Variants in PCDHGA5 observed in about 807,000 individuals in gnomAD.
PCDHGA5 encodes protocadherin gamma subfamily A, 5.
Under a neutral mutation model 56.7 loss-of-function variants are expected in PCDHGA5, and 36 were observed. That is an observed-to-expected ratio of 0.64 (90% confidence interval 0.49 to 0.84). PCDHGA5 has a LOEUF of 0.84. Ranked by LOEUF, PCDHGA5 falls within the 40% of genes least tolerant of loss-of-function variation. PCDHGA5 has a pLI of 0.00. For synonymous variants in PCDHGA5, 563 were observed against 520.2 expected, an observed-to-expected ratio of 1.08 and a Z score of -1.12; for missense variants, 1,305 against 1,201.5, an observed-to-expected ratio of 1.09 and a Z score of -1.27.
intron 1 of PCDHGA5, among the ~76,000 whole-genome samples, chr5:141,369,647 A>G (rs987289952): frequency 1.3e-5 from 2 of 152,064 alleles, no homozygotes; most frequent in Admixed American, 6.6e-5. Context: ...TTTTGGGGGG[A>G]GATAATAAAG....
At chr5:141,392,625 C>T (rs939952294) in intron 1 of PCDHGA5, 4 of 567,662 alleles carry the variant, frequency 7.0e-6, no homozygotes, top group Non-Finnish European at 8.9e-6. Context: ...CGAAAACACT[C>T]AGATCTCACA....
chr5:141,372,088 C>T (rs1768398605), intron 1 of PCDHGA5: 4 of 1,613,762 alleles, frequency 2.5e-6, no homozygotes, highest in Middle Eastern at 1.7e-4. Context: ...GTGCTGTACC[C>T]AGCTCTGGGG....
chr5:141,384,999 C>A, intron 1 of PCDHGA5: 1 of 1,614,144 alleles, frequency 6.2e-7, no homozygotes, highest in Non-Finnish European at 8.5e-7. Flanking sequence ...TGGCCACAGT[C>A]TCCTGCGTCT....
intron 1 of PCDHGA5, chr5:141,384,782 C>G (rs746906389): frequency 6.2e-7 from 1 of 1,613,642 alleles, no homozygotes; most frequent in Non-Finnish European, 8.5e-7. Flanking sequence ...GAGGTGCGCA[C>G]GGCTCGGGCC....
chr5:141,494,784 C>T, intron 1 of PCDHGA5, 23 bp from the exon 2 acceptor site: 1 of 1,614,110 alleles, frequency 6.2e-7, no homozygotes, highest in Non-Finnish European at 8.5e-7. Flanking sequence ...TACTCAGCCC[C>T]TTTCCCTCTG....
chr5:141,423,539 T>C (rs747825176), intron 1 of PCDHGA5: 10 of 1,613,140 alleles, frequency 6.2e-6, no homozygotes, highest in Non-Finnish European at 8.5e-6. Flanking sequence ...CACCTGATTT[T>C]CCCCCAGCCC....
intron 1 of PCDHGA5, chr5:141,420,202 C>G: frequency 1.2e-6 from 2 of 1,613,256 alleles, no homozygotes; most frequent in Non-Finnish European, 1.7e-6. Context: ...AAGATAACCT[C>G]AACAAAGATA....
chr5:141,414,909 C>G (rs1230113440), intron 1 of PCDHGA5: 4 of 1,614,220 alleles, frequency 2.5e-6, no homozygotes, highest in Non-Finnish European at 3.4e-6. Context: ...GTTCCACAGG[C>G]GTGGAGCTGG....
chr5:141,423,758 G>C lies in PCDHGA5; in HGVS notation c.2421+57007G>C, dbSNP rs1192987646. 54 of 366,760 alleles carry C rather than the reference G, an allele frequency of 1.5e-4. 3 individuals carry two copies. The highest frequency in any genetic ancestry group is 1.4e-4 in the Non-Finnish European group (36 of 259,732). 22.7% of individuals were successfully genotyped at this position (366,760 alleles called of 1,614,324 possible). A position where few individuals can be genotyped will look rare whatever the true frequency, so the allele number is the denominator to read the frequency against. Reference sequence around the variant, plus strand: ...CTGTTATGAAAACTGTTTGGGGGGGGGGTGGGGCGGCATATATTTAGTTCA... The same window carrying C: ...CTGTTATGAAAACTGTTTGGGGGGGCGGTGGGGCGGCATATATTTAGTTCA... On this transcript the variant is annotated intron_variant, in intron 1 of 3. Transcript: ENST00000518069.
In PCDHGA5 at chr5:141,392,458, G is replaced by A. The variant is rs113238570; in HGVS notation, c.2421+25707G>A. The A allele has an allele frequency of 2.2e-3, 375 of 170,410 alleles. 4 individuals are homozygous for A. Among genetic ancestry groups the A allele is most frequent in the African/African-American group, 8.5e-3 (357 of 42,198 alleles). The allele number at this position is 170,410 out of a possible 1,614,324, so 10.6% of individuals were successfully genotyped here. ...GTTTCTTTTAAAATATGGGTTTACG[G>A]ATAAATCAAATAAATTCAAAACAAA... On this transcript the variant is annotated intron_variant, in intron 1 of 3. Coordinates refer to ENST00000518069, the MANE Select transcript of PCDHGA5 (RefSeq NM_018918.3).
chr5:141,372,851 T>C lies in PCDHGA5; in HGVS notation c.2421+6100T>C, dbSNP rs756598936. 24 of 1,459,588 alleles carry C rather than the reference T, an allele frequency of 1.6e-5. No individual in the cohort carries two copies. The South Asian group carries it at 3.2e-4, about 19-fold the overall frequency. The allele number at this position is 1,459,588 out of a possible 1,614,324, so 90.4% of individuals were successfully genotyped here. A position where few individuals can be genotyped will look rare whatever the true frequency, so the allele number is the denominator to read the frequency against. ...CTTTCCTTCCATAAATATAATTGGG[T>C]TTCAATTCATTGATTTAGAGATAAA... On this transcript the variant is annotated intron_variant, in intron 1 of 3. Coordinates refer to ENST00000518069, the MANE Select transcript of PCDHGA5 (RefSeq NM_018918.3).
At chr5:141,509,153 C>G (rs2099875485) in intron 3 of PCDHGA5, among the ~76,000 whole-genome samples, 2 of 152,190 alleles carry the variant, frequency 1.3e-5, no homozygotes, top group Non-Finnish European at 2.9e-5. Context: ...CGGCTCTCCC[C>G]TCCCGTGTGC....
intron 1 of PCDHGA5, chr5:141,421,405 C>T (rs2096570069): frequency 6.2e-7 from 1 of 1,614,074 alleles, no homozygotes; most frequent in African/African-American, 1.3e-5. Context: ...GCCCCGGGAG[C>T]TGGCGAAGCG....
chr5:141,474,430 C>T (rs2099349577), intron 1 of PCDHGA5, among the ~76,000 whole-genome samples: 1 of 152,212 alleles, frequency 6.6e-6, no homozygotes, highest in African/African-American at 2.4e-5. Flanking sequence ...TTGGTCCTCA[C>T]ACTTTGAGTA....
chr5:141,389,605 A>G (rs1370742468), intron 1 of PCDHGA5: 2 of 1,613,092 alleles, frequency 1.2e-6, no homozygotes, highest in Non-Finnish European at 1.7e-6. Flanking sequence ...GCGCTCTTCG[A>G]TATGGTGCCG....
intron 1 of PCDHGA5, chr5:141,415,634 C>T: frequency 6.3e-7 from 1 of 1,589,948 alleles, no homozygotes; most frequent in East Asian, 2.3e-5. Flanking sequence ...TTCATTTTTA[C>T]TTTTGTTAAA....
At chr5:141,457,953 C>G (rs12188170) in intron 1 of PCDHGA5, among the ~76,000 whole-genome samples, 6,291 of 152,286 alleles carry the variant, frequency 0.041, 196 homozygotes, top group Admixed American at 0.075. Context: ...GCATGTCAAG[C>G]TTGATTCCTT....
rs533686455 is a variant in PCDHGA5, at chr5:141,369,964, G to A, written c.2421+3213G>A. Among the ~76,000 whole-genome samples the A allele has an allele frequency of 3.5e-4, 53 of 152,298 alleles. No homozygotes were observed. The East Asian group carries it at 5.2e-3, about 15-fold the overall frequency. ...CAAGATTATCTCTGCCCTTTGACAA[G>A]TAAAAGGTACTTGATTTGGATGGAT... On this transcript the variant is annotated intron_variant, in intron 1 of 3. Coordinates refer to ENST00000518069, the MANE Select transcript of PCDHGA5 (RefSeq NM_018918.3).
intron 1 of PCDHGA5, chr5:141,422,606 C>A: frequency 6.2e-7 from 1 of 1,613,904 alleles, no homozygotes; most frequent in Non-Finnish European, 8.5e-7. Context: ...TCTTACTCTG[C>A]CTACATTCCC....
Sources: gnomAD v4.1 joint callset for allele counts (sites outside exome capture counted in the v4.1 genomes callset) on GRCh38, gnomAD v4.1.1 for gene constraint, MANE v1.5 for transcripts, NCBI Gene and HGNC (gene_info 2026-07-23, HGNC 2026-07-21) for gene names.